Variants in LRP1B observed in about 807,000 individuals in gnomAD.
LRP1B encodes LDL receptor related protein 1B, also known as low-density lipoprotein receptor-related protein 1B.
Under a neutral mutation model 556.6 loss-of-function variants are expected in LRP1B, and 217 were observed. That is an observed-to-expected ratio of 0.39 (90% CI 0.35 to 0.44). The LOEUF (loss-of-function observed/expected upper bound fraction) is 0.44, where lower values mean the gene tolerates loss of function less well. Ranked by LOEUF, LRP1B falls within the 20% of genes least tolerant of loss-of-function variation. The pLI is 1.00. For synonymous variants in LRP1B, 2,047 were observed against 1,865.8 expected (o/e 1.10, Z -2.50); for missense variants, 5,053 against 5,620.8 (o/e 0.90, Z 3.23).
At chr2:140,672,482 TAAAAAAAAA>T (rs55884730) in intron 41 of LRP1B, among the ~76,000 whole-genome samples, 6,421 of 81,664 alleles carry the variant, frequency 0.079, 250 homozygotes, top group African/African-American at 0.14. Flanking sequence ...AGACTCCATC[TAAAAAAAAA>T]AAAAAAAAAA....
chr2:141,722,031 C>T (rs1692835236), intron 2 of LRP1B, among the ~76,000 whole-genome samples: 1 of 152,132 alleles, frequency 6.6e-6, no homozygotes, highest in Admixed American at 6.5e-5. Flanking sequence ...CTAGAGGATG[C>T]TCAAATGTCT....
rs920022405 is a variant in LRP1B, at chr2:141,093,179, G to T, written c.1014-30906C>A. On this transcript the variant is annotated intron_variant, in intron 7 of 90. Transcript: ENST00000389484. ...TATTTTTAAGTAGCCAGAGAGAGTA[G>T]AAGGAAACTCATGGATAAAGGAAGA... Among the ~76,000 whole-genome samples the T allele has an allele frequency of 3.3e-5, 5 of 152,106 alleles. No individual in the cohort carries two copies. In the East Asian group the frequency reaches 9.6e-4, roughly 29 times the overall value.
At chr2:141,127,437 C>G (rs1457059229) in intron 7 of LRP1B, among the ~76,000 whole-genome samples, 3 of 152,204 alleles carry the variant, frequency 2.0e-5, no homozygotes, top group Middle Eastern at 3.4e-3. Context: ...GACAGATGCA[C>G]ACGTATGTTT....
chr2:140,464,145 A>G (rs1232450960), intron 60 of LRP1B, among the ~76,000 whole-genome samples: 1 of 152,048 alleles, frequency 6.6e-6, no homozygotes, highest in Non-Finnish European at 1.5e-5. Context: ...GCAGTGAGGC[A>G]AGATTGTGCC....
At chr2:141,124,908 G>GCCCGA (rs1701163131) in intron 7 of LRP1B, among the ~76,000 whole-genome samples, 1 of 152,108 alleles carries the variant, frequency 6.6e-6, no homozygotes, top group African/African-American at 2.4e-5. Context: ...TACAGAGTCA[G>GCCCGA]CCGTGTCTGT....
intron 60 of LRP1B, among the ~76,000 whole-genome samples, chr2:140,471,050 A>G (rs985710888): frequency 2.0e-5 from 3 of 152,212 alleles, no homozygotes; most frequent in African/African-American, 7.2e-5. Flanking sequence ...AAACCCAAAT[A>G]TATGGACCTA....
At chr2:140,393,833 ATCT>A (rs1684131821) in intron 66 of LRP1B, among the ~76,000 whole-genome samples, 2 of 152,174 alleles carry the variant, frequency 1.3e-5, no homozygotes, top group African/African-American at 4.8e-5. Flanking sequence ...AGAAGACCTC[ATCT>A]TCTCTTGGGA....
intron 1 of LRP1B, among the ~76,000 whole-genome samples, chr2:141,900,637 A>G (rs1296812846): frequency 6.6e-6 from 1 of 152,010 alleles, no homozygotes; most frequent in African/African-American, 2.4e-5. Context: ...CTATTCTTTT[A>G]AAGAAACTCT....
intron 2 of LRP1B, among the ~76,000 whole-genome samples, chr2:141,626,611 A>G (rs1177524378): frequency 6.6e-6 from 1 of 152,206 alleles, no homozygotes; most frequent in East Asian, 1.9e-4. Context: ...ACTCAACAGT[A>G]AGAAAATGAA....
intron 5 of LRP1B, among the ~76,000 whole-genome samples, chr2:141,239,375 C>A (rs1420653160): frequency 6.6e-6 from 1 of 151,976 alleles, no homozygotes; most frequent in Non-Finnish European, 1.5e-5. Flanking sequence ...GGAAAAGGAA[C>A]AACACTCTGA....
chr2:141,691,465 A>AACACACACACACACAC (rs10522926), intron 2 of LRP1B, among the ~76,000 whole-genome samples: 32 of 133,244 alleles, frequency 2.4e-4, no homozygotes, highest in South Asian at 7.9e-4. Context: ...GTAATCAGCC[A>AACACACACACACACAC]ACACACACAC....
At chr2:140,430,264 C>T (rs1053220887) in intron 66 of LRP1B, among the ~76,000 whole-genome samples, 1 of 152,180 alleles carries the variant, frequency 6.6e-6, no homozygotes, top group African/African-American at 2.4e-5. Flanking sequence ...TTAACTCAAG[C>T]CCTCACTCTC....
At chr2:141,182,043 T>C (rs1433662277) in intron 7 of LRP1B, among the ~76,000 whole-genome samples, 1 of 152,098 alleles carries the variant, frequency 6.6e-6, no homozygotes, top group Non-Finnish European at 1.5e-5. Flanking sequence ...AACTTGAATT[T>C]GGGAAGTGAC....
chr2:140,272,704 G>T (rs1052615049), intron 85 of LRP1B, among the ~76,000 whole-genome samples: 7 of 151,860 alleles, frequency 4.6e-5, no homozygotes, highest in African/African-American at 1.7e-4. Context: ...ATGCTAATGT[G>T]AAAAGTATCA....
intron 86 of LRP1B, among the ~76,000 whole-genome samples, chr2:140,253,571 G>C (rs1050496392): frequency 6.6e-6 from 1 of 151,440 alleles, no homozygotes; most frequent in Non-Finnish European, 1.5e-5. Context: ...CAGTCCACTT[G>C]AGTAGAAGTG....
intron 2 of LRP1B, among the ~76,000 whole-genome samples, chr2:141,779,621 T>A (rs1257356877): frequency 6.6e-6 from 1 of 152,010 alleles, no homozygotes; most frequent in African/African-American, 2.4e-5. Flanking sequence ...TTCGCCTCTT[T>A]TAAAACTTTT....
At chr2:141,014,534 A>T (rs1241402023) in intron 13 of LRP1B, among the ~76,000 whole-genome samples, 1 of 152,118 alleles carries the variant, frequency 6.6e-6, no homozygotes, top group African/African-American at 2.4e-5. Context: ...TGAATACAAG[A>T]TGAAAAAGAT....
chr2:140,732,161 A>C (rs972745874), intron 35 of LRP1B, among the ~76,000 whole-genome samples: 1 of 151,790 alleles, frequency 6.6e-6, no homozygotes, highest in Non-Finnish European at 1.5e-5. Context: ...GGAGGGGTTC[A>C]TTATTCTCTT....
chr2:140,409,595 CCTAG>C (rs1197745303), intron 66 of LRP1B, among the ~76,000 whole-genome samples: 1 of 151,874 alleles, frequency 6.6e-6, no homozygotes, highest in Non-Finnish European at 1.5e-5. Context: ...ATTTTCAGAT[CCTAG>C]CTAATTTTTT....
Sources: allele counts gnomAD v4.1 joint callset (sites outside exome capture counted in the v4.1 genomes callset), GRCh38; gene constraint gnomAD v4.1.1; transcripts MANE v1.5; gene names NCBI Gene and HGNC (gene_info 2026-07-23, HGNC 2026-07-21).